Variants in MLXIP observed in about 807,000 individuals in gnomAD.
The protein encoded by MLXIP is MLX interacting protein.
MLXIP carries 30 observed loss-of-function variants against 87.2 expected under a neutral mutation model. The observed-to-expected ratio is 0.34, with a 90% CI of 0.26 to 0.47. The LOEUF (loss-of-function observed/expected upper bound fraction) is 0.47. Among genes scored for constraint, MLXIP ranks in the 20% least tolerant of loss-of-function variants. The pLI is 1.00. For missense variants in MLXIP, 1,002 were observed against 1,240.1 expected (o/e 0.81, Z 2.88); for synonymous variants, 530 against 514.0 (o/e 1.03, Z -0.42).
chr12:122,092,909 T>G (rs958226200), intron 1 of MLXIP, among the ~76,000 whole-genome samples: 10 of 58,940 alleles, frequency 1.7e-4, no homozygotes, highest in East Asian at 9.4e-4. Context: ...GTGTGTGTTG[T>G]TGTGTGTGAT....
rs1953060962 is a variant in MLXIP, at chr12:122,135,040, C to T, written c.1733-184C>T. The T allele has an allele frequency of 1.5e-6, 1 of 660,812 alleles. No individual in the cohort carries two copies. Among genetic ancestry groups the T allele is most frequent in the South Asian group, 1.7e-5 (1 of 57,656 alleles). 40.9% of individuals were successfully genotyped at this position (660,812 alleles called of 1,614,324 possible). ...AAAACATGGTCCTGGCCATCTCTTT[C>T]CTGGGTCTATAACATGTCTCCTTCA... On this transcript the variant is annotated intron_variant, in intron 9 of 16. Coordinates refer to ENST00000319080, the MANE Select transcript of MLXIP (RefSeq NM_014938.6). The surrounding 1 kb of genome is among the most constrained non-coding windows in gnomAD (Gnocchi z 5.3).
chr12:122,090,790 G>A (rs886623818), intron 1 of MLXIP, among the ~76,000 whole-genome samples: 3 of 152,152 alleles, frequency 2.0e-5, no homozygotes, highest in Non-Finnish European at 2.9e-5. Context: ...AACAACTTTT[G>A]CAATGAAGTA....
rs756617824 is a variant in MLXIP, at chr12:122,141,855, T to C, written c.*43T>C. The C allele has an allele frequency of 1.9e-5, 30 of 1,607,534 alleles. No individual in the cohort carries two copies. The highest frequency in any genetic ancestry group is 2.5e-5 in the Non-Finnish European group (29 of 1,177,786). On this transcript the variant is annotated 3_prime_UTR_variant, in exon 17 of 17. Coordinates refer to ENST00000319080, the MANE Select transcript of MLXIP (RefSeq NM_014938.6). ...GGCCGCATGAGATGCCAGGAGACCC[T>C]TCCCTGCCCATGGAGAGTAGGCTGC...
At chr12:122,139,009 G>C in intron 15 of MLXIP, 71 bp downstream of exon 15, 5 of 1,586,132 alleles carry the variant, frequency 3.2e-6, no homozygotes, top group Non-Finnish European at 4.3e-6. Context: ...CCGTGGCACT[G>C]TAGTTACTTT....
intron 1 of MLXIP, among the ~76,000 whole-genome samples, chr12:122,115,314 G>A (rs975623691): frequency 3.0e-4 from 45 of 152,056 alleles, no homozygotes; most frequent in East Asian, 1.6e-3. Flanking sequence ...GTGGCTGGGC[G>A]CGGTGTCTCA....
At position 122,129,268 on chromosome 12, in the gene MLXIP, G is replaced by A. The variant is rs1008803631; in HGVS notation, c.696+42G>A. ...TTCAGGCAGCCCGCCTAGGGAGGGA[G>A]TGGGCAGAGTCCCTGGTTCAGGGCC... On this transcript the variant is annotated intron_variant, in intron 4 of 16. Transcript: ENST00000319080. 3.3e-6 allele frequency: 5 copies of A among 1,519,550 alleles called. No homozygotes were observed. In the African/African-American group the frequency reaches 5.5e-5, roughly 17 times the overall value. 94.1% of individuals were successfully genotyped at this position (1,519,550 alleles called of 1,614,324 possible). A position where few individuals can be genotyped will look rare whatever the true frequency, so the allele number is the denominator to read the frequency against.
intron 15 of MLXIP, among the ~76,000 whole-genome samples, chr12:122,139,289 G>A (rs1953154231): frequency 2.0e-5 from 3 of 152,192 alleles, no homozygotes; most frequent in Non-Finnish European, 4.4e-5. Context: ...CTCGGTCCTC[G>A]AAGCCACAGG....
At chr12:122,105,033 C>T (rs1411153335) in intron 1 of MLXIP, among the ~76,000 whole-genome samples, 3 of 152,162 alleles carry the variant, frequency 2.0e-5, no homozygotes, top group African/African-American at 7.2e-5. Flanking sequence ...TCCTCTAAAC[C>T]ACTAAATCAC....
chr12:122,138,345 C>T lies in MLXIP; in HGVS notation c.2256+50C>T, dbSNP rs763121993. 1.5e-5 allele frequency: 24 copies of T among 1,609,612 alleles called. No homozygotes were observed. In the Middle Eastern group the frequency reaches 6.6e-4, roughly 44 times the overall value. On this transcript the variant is annotated intron_variant, in intron 13 of 16. Coordinates refer to ENST00000319080, the MANE Select transcript of MLXIP (RefSeq NM_014938.6). ...TGGCAGGGCAGGGGAGCTGGCAGGA[C>T]GTGCTCCCTGCGTGGTCATTGCTGG...
intron 1 of MLXIP, among the ~76,000 whole-genome samples, chr12:122,110,334 C>T (rs144719308): frequency 6.6e-6 from 1 of 152,052 alleles, no homozygotes; most frequent in African/African-American, 2.4e-5. Context: ...GTTGCCCAGG[C>T]TGGAGTGCAA....
intron 1 of MLXIP, among the ~76,000 whole-genome samples, chr12:122,119,975 A>G (rs1952753690): frequency 6.6e-6 from 1 of 152,184 alleles, no homozygotes; most frequent in Admixed American, 6.5e-5. Flanking sequence ...CTTCCCCACC[A>G]GAGCTCTAAA....
chr12:122,078,804 T>G lies in MLXIP; in HGVS notation c.-50T>G. ...GCCGGCGCCCCTCTGCCTCGCGCGC[T>G]TGTCGCGTTGCCCCGGGCTCCGGGG... is the stretch of plus-strand genomic sequence containing the variant. On this transcript the variant is annotated 5_prime_UTR_variant, in exon 1 of 17. Transcript: ENST00000319080. 9.7e-7 allele frequency: 1 copy of G among 1,026,968 alleles called. No homozygotes were observed. The allele number at this position is 1,026,968 out of a possible 1,614,324, so 63.6% of individuals were successfully genotyped here.
intron 1 of MLXIP, among the ~76,000 whole-genome samples, chr12:122,085,241 C>G (rs1479024724): frequency 3.3e-5 from 5 of 151,930 alleles, no homozygotes; most frequent in Non-Finnish European, 7.4e-5. Context: ...GTCATTCGGC[C>G]TGTGTCATTA....
chr12:122,128,896 G>A (rs1952925403), intron 3 of MLXIP: 2 of 533,450 alleles, frequency 3.7e-6, no homozygotes, highest in Non-Finnish European at 6.8e-6. Flanking sequence ...AGAGCCTCAG[G>A]ACCGTGCCCC....
chr12:122,125,296 C>T (rs1952863608), intron 1 of MLXIP, among the ~76,000 whole-genome samples: 2 of 150,782 alleles, frequency 1.3e-5, no homozygotes, highest in Admixed American at 1.3e-4. Flanking sequence ...CTCGCCACTG[C>T]ACTCCAGCCT....
intron 1 of MLXIP, among the ~76,000 whole-genome samples, chr12:122,093,362 G>GGT (rs1409184115): frequency 3.4e-5 from 5 of 145,378 alleles, no homozygotes; most frequent in African/African-American, 1.3e-4. Flanking sequence ...GTTGGTGTGT[G>GGT]GTGTGTGTTG....
chr12:122,093,818 GGTGTGTGTGTCA>G lies in MLXIP; in HGVS notation c.413+14562_413+14573del, dbSNP rs1952293444. ...TGTGTGTCGGTGTGTGTCGTGTGTT[GGTGTGTGTGTCA>G]GTGTGTGTGGGGTGTGTGTTTGCAG... On this transcript the variant is annotated intron_variant, in intron 1 of 16. Transcript: ENST00000319080. Among the ~76,000 whole-genome samples the G allele has an allele frequency of 2.0e-5, 3 of 146,610 alleles. No individual in the cohort carries two copies. In the South Asian group the frequency reaches 6.6e-4, roughly 32 times the overall value.
intron 1 of MLXIP, among the ~76,000 whole-genome samples, chr12:122,093,135 GT>G (rs1952273997): frequency 1.3e-5 from 2 of 148,380 alleles, no homozygotes; most frequent in Non-Finnish European, 3.0e-5. Context: ...TGTGGGGTCT[GT>G]TGATGTGTGT....
In MLXIP at chr12:122,138,233, C is replaced by T. The variant is rs777846594; in HGVS notation, c.2194C>T (p.Arg732Cys). Residue 732 changes from arginine (R) to cysteine (C), a missense_variant, in exon 13 of 17, where the codon CGC (arginine) becomes TGC (cysteine). This residue lies in a region of MLXIP where 746 missense variants were observed against 897.0 expected (regional missense o/e 0.83). Coordinates refer to ENST00000319080, the MANE Select transcript of MLXIP (RefSeq NM_014938.6). ...MKHISAEQKR[R>C]FNIKMCFDML... ...GCACATCTCAGCTGAGCAGAAAAGGCGCTTCAACATCAAGATGTGCTTCGA... is the reference window on the plus strand; with the variant it reads ...GCACATCTCAGCTGAGCAGAAAAGGTGCTTCAACATCAAGATGTGCTTCGA... 6.2e-7 allele frequency: 1 copy of T among 1,611,634 alleles called. No individual in the cohort carries two copies. The highest frequency in any genetic ancestry group is 8.5e-7 in the Non-Finnish European group (1 of 1,178,940).
Sources: allele counts gnomAD v4.1 joint callset (sites outside exome capture counted in the v4.1 genomes callset), GRCh38; gene constraint gnomAD v4.1.1; regional missense constraint gnomAD v4.1.1; non-coding constraint Gnocchi (gnomAD v3.1); transcripts MANE v1.5; gene names NCBI Gene and HGNC (gene_info 2026-07-23, HGNC 2026-07-21).